Variants in DENND4C observed in about 807,000 individuals in gnomAD.
DENND4C encodes DENN domain containing 4C.
In DENND4C, 108 loss-of-function variants were observed where a neutral mutation model predicts 203.0. The ratio of observed to expected loss-of-function variants is 0.53; its 90% CI spans 0.46 to 0.62. The LOEUF (loss-of-function observed/expected upper bound fraction) is 0.62, where lower values mean the gene tolerates loss of function less well. DENND4C is among the 20% of genes least tolerant of loss of function. The pLI is 0.00. For synonymous variants in DENND4C, 871 were observed against 792.4 expected (o/e 1.10, Z -1.67); for missense variants, 2,481 against 2,301.2 (o/e 1.08, Z -1.60).
chr9:19,342,154 G>A (rs1447365541), intron 21 of DENND4C, among the ~76,000 whole-genome samples: 1 of 148,730 alleles, frequency 6.7e-6, no homozygotes, highest in East Asian at 2.0e-4. Context: ...AAAAGTCTAT[G>A]TGGTTTTTCC....
At chr9:19,287,371 A>G (rs189545101) in intron 3 of DENND4C, among the ~76,000 whole-genome samples, 1 of 151,860 alleles carries the variant, frequency 6.6e-6, no homozygotes, top group African/African-American at 2.4e-5. Flanking sequence ...TCATTCATTC[A>G]TTTGTTTGCT....
chr9:19,328,253 A>G (rs888412484), intron 16 of DENND4C, 91 bp downstream of exon 16: 1 of 1,255,792 alleles, frequency 8.0e-7, no homozygotes, highest in Non-Finnish European at 1.1e-6. Context: ...ATCACCCACA[A>G]CAACCATTTG....
chr9:19,242,441 A>G (rs1176681454), intron 1 of DENND4C, among the ~76,000 whole-genome samples: 1 of 152,226 alleles, frequency 6.6e-6, no homozygotes, highest in Non-Finnish European at 1.5e-5. Flanking sequence ...CAAATACCTC[A>G]GCAATGTGAT....
At chr9:19,330,333 GTTTTTTTTT>G (rs398010417) in intron 16 of DENND4C, among the ~76,000 whole-genome samples, 1 of 97,120 alleles carries the variant, frequency 1.0e-5, no homozygotes, top group Non-Finnish European at 1.9e-5. Flanking sequence ...TACCAAGTTG[GTTTTTTTTT>G]TTTTTTTTTT....
intron 24 of DENND4C, among the ~76,000 whole-genome samples, chr9:19,351,166 T>C (rs1824033093): frequency 6.6e-6 from 1 of 152,214 alleles, no homozygotes; most frequent in South Asian, 2.1e-4. Context: ...TTATGATCTA[T>C]TCTGATCTTG....
chr9:19,324,300 G>A (rs956800973), intron 12 of DENND4C, 62 bp from the exon 13 acceptor site: 160 of 1,295,876 alleles, frequency 1.2e-4, no homozygotes, highest in East Asian at 4.8e-5. Flanking sequence ...CAAGTTTAAT[G>A]TTTCCTATAA....
intron 1 of DENND4C, among the ~76,000 whole-genome samples, chr9:19,271,531 A>T (rs1831665325): frequency 6.6e-6 from 1 of 152,140 alleles, no homozygotes; most frequent in African/African-American, 2.4e-5. Flanking sequence ...GCTTATTGAA[A>T]TGCAAAGGAC....
At chr9:19,298,152 A>C in intron 7 of DENND4C, 30 bp downstream of exon 7, 1 of 1,584,348 alleles carries the variant, frequency 6.3e-7, no homozygotes, top group Non-Finnish European at 8.6e-7. Flanking sequence ...TTTGGGGAGA[A>C]CTTTGCATAT....
chr9:19,298,157 G>A lies in DENND4C; in HGVS notation c.1107+35G>A, dbSNP rs759854844. On this transcript the variant is annotated intron_variant, in intron 7 of 32. Transcript: ENST00000434457. ...AGAGAGTATATTTGGGGAGAACTTT[G>A]CATATGCTCACCTGAGTCATTGCAG... The A allele has an allele frequency of 1.9e-6, 3 of 1,572,808 alleles. No homozygotes were observed. In the South Asian group the frequency reaches 3.4e-5, roughly 18 times the overall value.
At position 19,276,173 on chromosome 9, in the gene DENND4C, C is replaced by G. The variant is rs917662285; in HGVS notation, c.-2C>G. The stretch of plus-strand genomic sequence containing the variant: ...CCTCTTCTAGAAAATACAGTAGCAG[C>G]CATGATAGAAGACAAAGGACCAAGA... On this transcript the variant is annotated 5_prime_UTR_variant, in exon 2 of 33. Coordinates refer to ENST00000434457, the MANE Select transcript of DENND4C (RefSeq NM_001330640.2). The G allele has an allele frequency of 4.1e-6, 5 of 1,231,248 alleles. No homozygotes were observed. The highest frequency in any genetic ancestry group is 5.1e-6 in the Non-Finnish European group (5 of 987,354). The allele number at this position is 1,231,248 out of a possible 1,614,324, so 76.3% of individuals were successfully genotyped here. A position where few individuals can be genotyped will look rare whatever the true frequency, so the allele number is the denominator to read the frequency against.
At chr9:19,256,915 A>G (rs973206609) in intron 1 of DENND4C, among the ~76,000 whole-genome samples, 1 of 151,986 alleles carries the variant, frequency 6.6e-6, no homozygotes, top group South Asian at 2.1e-4. Context: ...CTAAAAATAC[A>G]AAAAATTAGC....
intron 25 of DENND4C, 42 bp downstream of exon 25, chr9:19,352,224 C>A: frequency 6.5e-7 from 1 of 1,539,158 alleles, no homozygotes; most frequent in Non-Finnish European, 9.0e-7. Flanking sequence ...TAGCTGTAAG[C>A]ATATTTTTAT....
intron 10 of DENND4C, among the ~76,000 whole-genome samples, chr9:19,306,257 A>G (rs920967621): frequency 6.6e-6 from 1 of 152,164 alleles, no homozygotes; most frequent in Non-Finnish European, 1.5e-5. Flanking sequence ...ATGAAGAGAG[A>G]AATATTTTGG....
chr9:19,319,183 A>T (rs923273788), intron 12 of DENND4C, among the ~76,000 whole-genome samples: 1 of 148,098 alleles, frequency 6.8e-6, no homozygotes, highest in Non-Finnish European at 1.5e-5. Flanking sequence ...AAATATATGT[A>T]TATATATACA....
At chr9:19,271,502 A>T (rs1831660428) in intron 1 of DENND4C, among the ~76,000 whole-genome samples, 1 of 152,102 alleles carries the variant, frequency 6.6e-6, no homozygotes, top group Non-Finnish European at 1.5e-5. Context: ...GCCTCTGGCC[A>T]GTAAGTGGAT....
chr9:19,327,940 T>G (rs547209082), intron 15 of DENND4C, 90 bp from the exon 16 acceptor site: 2 of 1,238,964 alleles, frequency 1.6e-6, no homozygotes, highest in East Asian at 4.9e-5. Flanking sequence ...GGATACTATT[T>G]GAAGTTTAGA....
At chr9:19,295,741 C>G (rs1837337154) in intron 5 of DENND4C, among the ~76,000 whole-genome samples, 2 of 151,400 alleles carry the variant, frequency 1.3e-5, no homozygotes, top group African/African-American at 4.8e-5. Context: ...AGAGTTCATT[C>G]TCTAATGCTT....
chr9:19,351,065 T>C (rs1223137299), intron 24 of DENND4C, among the ~76,000 whole-genome samples, 186 bp downstream of exon 24: 1 of 152,034 alleles, frequency 6.6e-6, no homozygotes, highest in Admixed American at 6.6e-5. Context: ...GCCTGGCCTG[T>C]CTTTGCTTAT....
At chr9:19,312,438 T>G (rs927066181) in intron 10 of DENND4C, among the ~76,000 whole-genome samples, 1 of 152,164 alleles carries the variant, frequency 6.6e-6, no homozygotes, top group Non-Finnish European at 1.5e-5. Context: ...AGGTGGTAAT[T>G]GTGTATTGCA....
Sources: allele counts gnomAD v4.1 joint callset (sites outside exome capture counted in the v4.1 genomes callset), GRCh38; gene constraint gnomAD v4.1.1; transcripts MANE v1.5; gene names NCBI Gene and HGNC (gene_info 2026-07-23, HGNC 2026-07-21).